PDE10A: variants seen among roughly 807,000 people sequenced by gnomAD.
PDE10A encodes cAMP and cAMP-inhibited cGMP 3',5'-cyclic phosphodiesterase 10A.
Under a neutral mutation model 97.7 loss-of-function variants are expected in PDE10A, and 39 were observed. That is an observed-to-expected ratio of 0.40 (90% CI 0.31 to 0.52). The LOEUF is 0.52. PDE10A is among the 20% of genes least tolerant of loss of function. The probability of loss-of-function intolerance (pLI) is 0.56; values close to 1 mark genes in which losing one functional copy is unlikely to be tolerated. For synonymous variants in PDE10A, 371 were observed against 376.8 expected (o/e 0.98, Z 0.18); for missense variants, 731 against 1,047.8 (o/e 0.70, Z 4.17).
chr6:165,490,463 G>A (rs1174793461), intron 2 of PDE10A, among the ~76,000 whole-genome samples: 6 of 152,038 alleles, frequency 3.9e-5, no homozygotes, highest in Non-Finnish European at 8.8e-5. Flanking sequence ...TCTAAATCTT[G>A]AAACAAATCT....
intron 1 of PDE10A, among the ~76,000 whole-genome samples, chr6:165,728,549 G>A (rs778653936): frequency 1.3e-5 from 2 of 152,124 alleles, no homozygotes; most frequent in African/African-American, 2.4e-5. Context: ...AAACTACCAC[G>A]CAAGATGGCA....
chr6:165,788,488 A>G (rs568836301), intron 1 of PDE10A, among the ~76,000 whole-genome samples: 1 of 134,824 alleles, frequency 7.4e-6, no homozygotes, highest in Non-Finnish European at 1.5e-5. Context: ...ATTGCACTCC[A>G]GCCTGAGCAA....
At chr6:165,343,073 T>A (rs997477815) in intron 19 of PDE10A, among the ~76,000 whole-genome samples, 26 of 152,206 alleles carry the variant, frequency 1.7e-4, no homozygotes, top group Non-Finnish European at 2.6e-4. Flanking sequence ...CTATCTAAAG[T>A]AGATGGCCAG....
intron 2 of PDE10A, among the ~76,000 whole-genome samples, chr6:165,499,871 C>A (rs1218170710): frequency 2.0e-5 from 3 of 151,916 alleles, no homozygotes; most frequent in Admixed American, 1.3e-4. Flanking sequence ...TGATTAAACA[C>A]ATAGGGAAAA....
intron 1 of PDE10A, among the ~76,000 whole-genome samples, chr6:165,669,819 A>T (rs1347450299): frequency 6.6e-6 from 1 of 152,242 alleles, no homozygotes; most frequent in African/African-American, 2.4e-5. Context: ...TCTACTTATT[A>T]TAAGAAATTC....
Position 165,977,920 on chromosome 6 carries a change from A to G in PDE10A, c.-615+9609T>C, listed in dbSNP as rs114541664. Among the ~76,000 whole-genome samples, 1,402 of 152,370 alleles carry G rather than the reference A, an allele frequency of 9.2e-3. 22 individuals carry two copies. The highest frequency in any genetic ancestry group is 0.031 in the African/African-American group (1,307 of 41,590). ...AGAATATTACTTAGCACTTAAAAAG[A>G]GCAAGCTACTGCAACAATGAAGCTG... On this transcript the variant is annotated intron_variant, in intron 1 of 19. Coordinates refer to the PDE10A transcript ENST00000366882.
intron 1 of PDE10A, among the ~76,000 whole-genome samples, chr6:165,745,374 C>A (rs2128454388): frequency 6.6e-6 from 1 of 152,252 alleles, no homozygotes; most frequent in South Asian, 2.1e-4. Flanking sequence ...TTTCATGGTA[C>A]AAAAGTCAGG....
chr6:165,798,882 G>T (rs1562742372), intron 1 of PDE10A, among the ~76,000 whole-genome samples: 2 of 152,154 alleles, frequency 1.3e-5, no homozygotes, highest in Non-Finnish European at 2.9e-5. Context: ...TAATTTTGGT[G>T]TTTTTTGTAG....
chr6:165,667,295 C>T (rs955587984), upstream of PDE10A, among the ~76,000 whole-genome samples: 5 of 152,012 alleles, frequency 3.3e-5, no homozygotes, highest in Non-Finnish European at 7.4e-5. Flanking sequence ...TTTTGGTGCA[C>T]GCATTACCCA....
At chr6:165,668,762 A>T (rs531504995) in intron 1 of PDE10A, among the ~76,000 whole-genome samples, 1 of 104,614 alleles carries the variant, frequency 9.6e-6, no homozygotes, top group East Asian at 3.5e-4. Flanking sequence ...AAAGGAAGGA[A>T]GGAAGGTAGG....
At position 165,554,120 on chromosome 6, in the gene PDE10A, T is replaced by A. The variant is rs572085872; in HGVS notation, c.866-10552A>T. On this transcript the variant is annotated intron_variant, in intron 1 of 21. Coordinates refer to ENST00000539869, the MANE Select transcript of PDE10A (RefSeq NM_001385079.1). The stretch of plus-strand genomic sequence containing the variant: ...AAAGTCACTTAAGTGTCTTGAGCAA[T>A]ACCTCATAAGCATAGGCAACCAAAG... Among the ~76,000 whole-genome samples the A allele has an allele frequency of 1.6e-3, 236 of 152,218 alleles. 1 individual carries two copies. Among genetic ancestry groups the A allele is most frequent in the Non-Finnish European group, 2.6e-3 (179 of 68,006 alleles).
intron 1 of PDE10A, among the ~76,000 whole-genome samples, chr6:165,707,182 G>C (rs1791731278): frequency 6.6e-6 from 1 of 152,238 alleles, no homozygotes; most frequent in Admixed American, 6.5e-5. Context: ...ATCCTGATCA[G>C]ACTCCAAGTT....
At chr6:165,722,498 A>G (rs1185226249) in intron 1 of PDE10A, among the ~76,000 whole-genome samples, 2 of 152,244 alleles carry the variant, frequency 1.3e-5, no homozygotes, top group African/African-American at 4.8e-5. Context: ...TCTATGATCT[A>G]GTTTAATTTA....
chr6:165,464,750 C>T (rs549206988), intron 3 of PDE10A, among the ~76,000 whole-genome samples: 30 of 152,304 alleles, frequency 2.0e-4, no homozygotes, highest in African/African-American at 3.4e-4. Flanking sequence ...TAAATGGAAT[C>T]ATACAATATG....
chr6:165,511,159 G>C (rs1448815611), intron 2 of PDE10A, among the ~76,000 whole-genome samples: 1 of 151,870 alleles, frequency 6.6e-6, no homozygotes, highest in Non-Finnish European at 1.5e-5. Context: ...GTAGGTGTTT[G>C]TTGCTATTTT....
intron 18 of PDE10A, among the ~76,000 whole-genome samples, chr6:165,359,790 G>A (rs1450715566): frequency 7.0e-6 from 1 of 142,494 alleles, no homozygotes; most frequent in African/African-American, 2.4e-5. Flanking sequence ...TGTAACATCT[G>A]TCACATATCT....
intron 1 of PDE10A, among the ~76,000 whole-genome samples, chr6:165,937,970 G>C (rs1019698500): frequency 2.8e-4 from 42 of 152,232 alleles, no homozygotes; most frequent in African/African-American, 9.6e-4. Flanking sequence ...AAAAAATCCA[G>C]ATATCAGCAC....
At chr6:165,499,633 T>C (rs1365057014) in intron 2 of PDE10A, among the ~76,000 whole-genome samples, 1 of 152,216 alleles carries the variant, frequency 6.6e-6, no homozygotes, top group Non-Finnish European at 1.5e-5. Context: ...CCTTTGTCTA[T>C]AGCTTGAAGT....
chr6:165,571,703 A>G (rs1025619657), intron 1 of PDE10A, among the ~76,000 whole-genome samples: 2 of 152,228 alleles, frequency 1.3e-5, no homozygotes, highest in African/African-American at 4.8e-5. Flanking sequence ...AGTGTTTAGT[A>G]CCAGTTGACC....
Sources: gnomAD v4.1 joint callset for allele counts (sites outside exome capture counted in the v4.1 genomes callset) on GRCh38, gnomAD v4.1.1 for gene constraint, MANE v1.5 for transcripts, NCBI Gene and HGNC (gene_info 2026-07-23, HGNC 2026-07-21) for gene names.